The following ULK4 variants were observed in gnomAD, a reference collection of about 807,000 sequenced individuals.
The protein encoded by ULK4 is inactive serine/threonine-protein kinase ULK4.
ULK4 carries 133 observed loss-of-function variants against 160.6 expected under a neutral mutation model. The ratio of observed to expected loss-of-function variants is 0.83; its 90% CI spans 0.72 to 0.96. The LOEUF is 0.96. Among genes scored for constraint, ULK4 ranks in the 40% least tolerant of loss-of-function variants. The pLI is 0.00. For synonymous variants in ULK4, 534 were observed against 539.8 expected (o/e 0.99, Z 0.15); for missense variants, 1,580 against 1,499.5 (o/e 1.05, Z -0.89).
At chr3:41,875,366 C>G (rs1169577025) in intron 17 of ULK4, among the ~76,000 whole-genome samples, 2 of 152,000 alleles carry the variant, frequency 1.3e-5, no homozygotes, top group Admixed American at 6.6e-5. Context: ...CAGCCTGGCA[C>G]CTGGTACACA....
rs550432433 is a variant in ULK4, at chr3:41,453,417, T to C, written c.3492+2080A>G. On this transcript the variant is annotated intron_variant, in intron 34 of 36. Transcript: ENST00000301831. The stretch of plus-strand genomic sequence containing the variant: ...GTCTCAAATGCCAGGACCCAATCGA[T>C]TCTCCCATCTCGACCACCCAAAGTG... Among the ~76,000 whole-genome samples the C allele has an allele frequency of 5.3e-5, 8 of 152,266 alleles. No homozygotes were observed. The East Asian group carries it at 1.5e-3, about 29-fold the overall frequency.
rs1368936999 is a variant in ULK4, at chr3:41,943,040, C to T, written c.139-4843G>A. ...CATCCTGGCTAATATGGTGAAACCC[C>T]ATCTCTACTAAAAATACAAAAAATT... On this transcript the variant is annotated intron_variant, in intron 2 of 36. Coordinates refer to ENST00000301831, the MANE Select transcript of ULK4 (RefSeq NM_017886.4). Among the ~76,000 whole-genome samples the T allele has an allele frequency of 2.0e-5, 3 of 151,690 alleles. No homozygotes were observed. In the East Asian group the frequency reaches 5.8e-4, roughly 29 times the overall value.
intron 22 of ULK4, among the ~76,000 whole-genome samples, chr3:41,739,250 T>C (rs1048097188): frequency 2.0e-5 from 3 of 151,854 alleles, no homozygotes; most frequent in African/African-American, 7.3e-5. Context: ...GAACAGTGGC[T>C]TAGATTCCTT....
At chr3:41,264,420 T>G (rs1161233873) in intron 35 of ULK4, among the ~76,000 whole-genome samples, 1 of 152,214 alleles carries the variant, frequency 6.6e-6, no homozygotes, top group Admixed American at 6.5e-5. Context: ...TTGTCCTCAG[T>G]GGCAGAAGCA....
chr3:41,559,198 A>G (rs1230268591), intron 32 of ULK4, among the ~76,000 whole-genome samples: 1 of 144,594 alleles, frequency 6.9e-6, no homozygotes, highest in African/African-American at 2.5e-5. Flanking sequence ...CCTACAAAGG[A>G]CACGAACTCA....
chr3:41,687,751 C>T (rs557336156), intron 27 of ULK4: 7 of 152,338 alleles, frequency 4.6e-5, no homozygotes, highest in South Asian at 4.1e-4. Context: ...GATAAAGACA[C>T]TTCCAAATAA....
At chr3:41,869,992 GATTT>G (rs1697032463) in intron 17 of ULK4, among the ~76,000 whole-genome samples, 1 of 152,122 alleles carries the variant, frequency 6.6e-6, no homozygotes, top group Admixed American at 6.6e-5. Flanking sequence ...TGGGATAGCA[GATTT>G]TTTTCTTTGA....
chr3:41,251,664 T>G (rs1167641170), intron 35 of ULK4, among the ~76,000 whole-genome samples: 1 of 152,152 alleles, frequency 6.6e-6, no homozygotes, highest in African/African-American at 2.4e-5. Context: ...TCCATCCTCT[T>G]GTGTCCCAGG....
chr3:41,729,764 A>C (rs2037764694), intron 22 of ULK4, among the ~76,000 whole-genome samples: 2 of 152,216 alleles, frequency 1.3e-5, no homozygotes, highest in Admixed American at 1.3e-4. Context: ...AAGCAGCCCA[A>C]GCTGGCAGAA....
At chr3:41,493,206 A>G in intron 32 of ULK4, among the ~76,000 whole-genome samples, 1 of 141,770 alleles carries the variant, frequency 7.1e-6, no homozygotes. Context: ...AATGTAAAAG[A>G]ACAGAAATTA....
At chr3:41,817,911 A>T (rs956204555) in intron 19 of ULK4, among the ~76,000 whole-genome samples, 3 of 152,156 alleles carry the variant, frequency 2.0e-5, no homozygotes, top group South Asian at 2.1e-4. Context: ...TAGCAGGTAC[A>T]TGACCAAAGA....
chr3:41,633,118 A>G (rs1480556554), intron 30 of ULK4, among the ~76,000 whole-genome samples: 1 of 152,232 alleles, frequency 6.6e-6, no homozygotes, highest in Non-Finnish European at 1.5e-5. Context: ...ATCCAGCTAG[A>G]AGAGTAAGCC....
chr3:41,341,067 C>T (rs954376453), intron 35 of ULK4, among the ~76,000 whole-genome samples: 8 of 152,186 alleles, frequency 5.3e-5, no homozygotes, highest in Admixed American at 3.9e-4. Flanking sequence ...GGAAGTCCAG[C>T]TGTGTGCCAT....
chr3:41,556,539 G>C (rs2087309113), intron 32 of ULK4, among the ~76,000 whole-genome samples: 1 of 142,852 alleles, frequency 7.0e-6, no homozygotes, highest in Non-Finnish European at 1.5e-5. Flanking sequence ...CTAGGCTGGA[G>C]TGCAGTGGCA....
intron 19 of ULK4, among the ~76,000 whole-genome samples, chr3:41,806,360 T>C (rs541368283): frequency 4.3e-4 from 66 of 152,328 alleles, no homozygotes; most frequent in African/African-American, 1.5e-3. Context: ...TTGAGTCTAT[T>C]TGATTCTTCT....
intron 34 of ULK4, among the ~76,000 whole-genome samples, chr3:41,418,444 G>A (rs778353489): frequency 2.0e-5 from 3 of 151,360 alleles, no homozygotes; most frequent in Non-Finnish European, 2.9e-5. Context: ...AAAAGTCCAC[G>A]TAGAAGTGGA....
intron 35 of ULK4, among the ~76,000 whole-genome samples, chr3:41,296,561 A>G (rs892643648): frequency 6.6e-6 from 1 of 152,192 alleles, no homozygotes; most frequent in South Asian, 2.1e-4. Flanking sequence ...GGAGGCTGCC[A>G]TGGGTGGAAA....
At chr3:41,954,833 G>C in intron 1 of ULK4, 26 bp from the exon 2 acceptor site, 1 of 1,423,002 alleles carries the variant, frequency 7.0e-7, no homozygotes, top group South Asian at 1.4e-5. Flanking sequence ...AAATGACATT[G>C]ATAAATGCAA....
At chr3:41,744,510 G>A (rs865832805) in intron 22 of ULK4, among the ~76,000 whole-genome samples, 1 of 151,782 alleles carries the variant, frequency 6.6e-6, no homozygotes, top group South Asian at 2.1e-4. Context: ...AATACCCTAA[G>A]TAAGTATGCA....
Sources: gnomAD v4.1 joint callset for allele counts (sites outside exome capture counted in the v4.1 genomes callset) on GRCh38, gnomAD v4.1.1 for gene constraint, MANE v1.5 for transcripts, NCBI Gene and HGNC (gene_info 2026-07-23, HGNC 2026-07-21) for gene names.